CDH12: variants seen among roughly 807,000 people sequenced by gnomAD.
The protein encoded by CDH12 is cadherin-12.
A neutral mutation model predicts 74.1 loss-of-function variants in CDH12; 41 were observed. The observed-to-expected ratio is 0.55, with a 90% CI of 0.43 to 0.72. The LOEUF is 0.72. Ranked by LOEUF, CDH12 falls within the 30% of genes least tolerant of loss-of-function variation. The pLI is 0.00. For synonymous variants in CDH12, 399 were observed against 355.0 expected (o/e 1.12, Z -1.39); for missense variants, 945 against 977.2 (o/e 0.97, Z 0.44).
intron 2 of CDH12, among the ~76,000 whole-genome samples, chr5:22,473,412 C>T (rs1279844459): frequency 6.6e-6 from 1 of 152,066 alleles, no homozygotes; most frequent in East Asian, 1.9e-4. Flanking sequence ...TATATTCCAA[C>T]ACTCTAAAGC....
intron 1 of CDH12, among the ~76,000 whole-genome samples, chr5:22,513,029 G>T (rs271093): frequency 0.075 from 11,335 of 152,140 alleles, 548 homozygotes; most frequent in East Asian, 0.16. Context: ...AGGGCGAGAC[G>T]CTGTCTAAAA....
chr5:21,971,871 A>G (rs1334012059), intron 6 of CDH12, among the ~76,000 whole-genome samples: 1 of 152,186 alleles, frequency 6.6e-6, no homozygotes, highest in Non-Finnish European at 1.5e-5. Flanking sequence ...TCCCTGGAAT[A>G]TTAGATGTAA....
intron 3 of CDH12, among the ~76,000 whole-genome samples, chr5:22,250,405 G>A (rs1167371913): frequency 1.3e-5 from 2 of 152,120 alleles, no homozygotes; most frequent in Non-Finnish European, 2.9e-5. Context: ...TGGCGGCTGG[G>A]ACCTCAGCTG....
intron 2 of CDH12, among the ~76,000 whole-genome samples, chr5:22,497,680 T>C (rs562014141): frequency 2.1e-5 from 3 of 141,854 alleles, no homozygotes; most frequent in East Asian, 4.3e-4. Flanking sequence ...TCTGGCTCTG[T>C]CACCTAGGCT....
chr5:21,939,865 A>T (rs930614085), intron 6 of CDH12, among the ~76,000 whole-genome samples: 2 of 152,162 alleles, frequency 1.3e-5, no homozygotes, highest in Non-Finnish European at 2.9e-5. Context: ...ATAATTAAAA[A>T]TATGAGAAAA....
intron 6 of CDH12, among the ~76,000 whole-genome samples, chr5:21,888,839 A>T (rs1047821747): frequency 2.0e-5 from 3 of 152,058 alleles, no homozygotes; most frequent in South Asian, 2.1e-4. Context: ...TATTTTATGA[A>T]ATAAATGATT....
intron 1 of CDH12, among the ~76,000 whole-genome samples, chr5:22,844,486 T>C (rs1315883711): frequency 5.9e-5 from 9 of 152,136 alleles, no homozygotes; most frequent in African/African-American, 1.7e-4. Context: ...TTAGAGTCTA[T>C]TAGATCAGAC....
intron 3 of CDH12, chr5:22,213,556 C>G (rs535111600): frequency 1.6e-4 from 25 of 152,240 alleles, no homozygotes; most frequent in Admixed American, 4.6e-4. Context: ...CGTTACCAAC[C>G]TGCTGGTCCC....
At chr5:22,699,437 GGCT>G (rs1742592650) in intron 1 of CDH12, among the ~76,000 whole-genome samples, 1 of 151,196 alleles carries the variant, frequency 6.6e-6, no homozygotes, top group Non-Finnish European at 1.5e-5. Context: ...ATATCAGAAA[GGCT>G]TTGATACACA....
intron 3 of CDH12, among the ~76,000 whole-genome samples, chr5:22,360,337 T>C (rs1253204365): frequency 3.9e-5 from 6 of 152,000 alleles, no homozygotes; most frequent in Non-Finnish European, 8.8e-5. Context: ...CTAGAAGAAA[T>C]GGATAAATTC....
At chr5:22,675,695 G>A (rs1415897828) in intron 1 of CDH12, among the ~76,000 whole-genome samples, 1 of 151,884 alleles carries the variant, frequency 6.6e-6, no homozygotes, top group African/African-American at 2.4e-5. Flanking sequence ...TGTGAGACAT[G>A]CCTTTCACCT....
chr5:22,053,003 T>C (rs190639021), intron 5 of CDH12, among the ~76,000 whole-genome samples: 4 of 151,980 alleles, frequency 2.6e-5, no homozygotes, highest in Admixed American at 2.0e-4. Flanking sequence ...TTATCTCTAA[T>C]ACACTTACTT....
Position 22,787,428 on chromosome 5 carries a change from C to T in CDH12, c.-523+65630G>A, listed in dbSNP as rs10077420. On this transcript the variant is annotated intron_variant, in intron 1 of 14. Transcript: ENST00000382254. ...TACCTGATATTGGTCACATCATCTGCAGAAAAGCACACAGAATCTTTCCCT... is the reference window on the plus strand; with the variant it reads ...TACCTGATATTGGTCACATCATCTGTAGAAAAGCACACAGAATCTTTCCCT... 2.6e-3 allele frequency among the ~76,000 whole-genome samples: 403 copies of T among 152,202 alleles called. 1 individual carries two copies. The highest frequency in any genetic ancestry group is 9.3e-3 in the African/African-American group (386 of 41,518).
At chr5:22,532,987 T>C (rs1217204824) in intron 1 of CDH12, among the ~76,000 whole-genome samples, 3 of 152,114 alleles carry the variant, frequency 2.0e-5, no homozygotes, top group South Asian at 2.1e-4. Context: ...GGCAAATTAC[T>C]AGCCTATTTG....
At chr5:22,104,177 T>A (rs1744301843) in intron 4 of CDH12, among the ~76,000 whole-genome samples, 1 of 152,192 alleles carries the variant, frequency 6.6e-6, no homozygotes, top group Non-Finnish European at 1.5e-5. Flanking sequence ...CTACATTATA[T>A]TGAGTATACC....
chr5:22,552,842 G>A (rs1376885307), intron 1 of CDH12, among the ~76,000 whole-genome samples: 1 of 152,124 alleles, frequency 6.6e-6, no homozygotes, highest in East Asian at 1.9e-4. Flanking sequence ...TGGCACACAT[G>A]AGGATGGGTA....
At chr5:22,226,317 C>T (rs773820864) in intron 3 of CDH12, among the ~76,000 whole-genome samples, 3 of 151,800 alleles carry the variant, frequency 2.0e-5, no homozygotes, top group African/African-American at 4.8e-5. Flanking sequence ...GGGAGATTAT[C>T]CTGGTAGTCC....
chr5:22,258,386 T>C (rs777966095), intron 3 of CDH12, among the ~76,000 whole-genome samples: 1 of 152,002 alleles, frequency 6.6e-6, no homozygotes, highest in Non-Finnish European at 1.5e-5. Flanking sequence ...AGAGTCTGAG[T>C]GCCTTAACTC....
chr5:22,363,667 T>C (rs1740914512), intron 3 of CDH12, among the ~76,000 whole-genome samples: 1 of 152,204 alleles, frequency 6.6e-6, no homozygotes, highest in Non-Finnish European at 1.5e-5. Context: ...TACATTTATA[T>C]ACAAGTTTGT....
Sources: gnomAD v4.1 joint callset for allele counts (sites outside exome capture counted in the v4.1 genomes callset) on GRCh38, gnomAD v4.1.1 for gene constraint, MANE v1.5 for transcripts, NCBI Gene and HGNC (gene_info 2026-07-23, HGNC 2026-07-21) for gene names.